The following FILIP1 variants were observed in gnomAD, a reference collection of about 807,000 sequenced individuals.
The protein encoded by FILIP1 is filamin-A-interacting protein 1.
A neutral mutation model predicts 102.1 loss-of-function variants in FILIP1; 61 were observed. The ratio of observed to expected loss-of-function variants is 0.60; its 90% confidence interval spans 0.49 to 0.74. FILIP1 has a LOEUF of 0.74. Ranked by LOEUF, FILIP1 falls within the 30% of genes least tolerant of loss-of-function variation. FILIP1 has a pLI of 0.00. For synonymous variants in FILIP1, 491 were observed against 526.9 expected, an observed-to-expected ratio of 0.93 and a Z score of 0.93; for missense variants, 1,314 against 1,441.2, an observed-to-expected ratio of 0.91 and a Z score of 1.43.
chr6:75,312,420 A>G lies in FILIP1; in HGVS notation c.3412T>C (p.Ser1138Pro), dbSNP rs1773227221. The change falls in exon 5 of 6, where the codon TCT becomes CCT. Residue 1138 changes from serine (S) to proline (P), a missense_variant. Around this residue, in one of 3 missense-constraint regions of FILIP1, gnomAD observed 816 missense variants for 913.1 expected, o/e 0.89. Coordinates refer to ENST00000237172, the MANE Select transcript of FILIP1 (RefSeq NM_015687.5). Reference protein sequence around the residue: ...TITITPVTTSSARGTQSVSGQ... With the variant: ...TITITPVTTSPARGTQSVSGQ... ...ACCACTGACTGGGTTCCTCGAGCAG[A>G]TGACGTTGTGACCGGTGTTATGGTG... 2 of 1,613,966 alleles carry G rather than the reference A, an allele frequency of 1.2e-6. No individual in the cohort carries two copies. The highest frequency in any genetic ancestry group is 1.7e-6 in the Non-Finnish European group (2 of 1,179,952).
At chr6:75,328,353 AG>A (rs930700309) in intron 4 of FILIP1, among the ~76,000 whole-genome samples, 5 of 152,210 alleles carry the variant, frequency 3.3e-5, no homozygotes, top group Admixed American at 6.5e-5. Context: ...AAAATAATTC[AG>A]GGGGGTGAAA....
At chr6:75,380,205 G>C (rs1236589890) in intron 2 of FILIP1, among the ~76,000 whole-genome samples, 1 of 66,206 alleles carries the variant, frequency 1.5e-5, no homozygotes, top group African/African-American at 1.1e-4. Flanking sequence ...CCAATTAAAA[G>C]GCAAAAAAAA....
chr6:75,493,228 G>A (rs1780016248), intron 1 of FILIP1, among the ~76,000 whole-genome samples, 186 bp downstream of exon 1: 1 of 152,164 alleles, frequency 6.6e-6, no homozygotes, highest in Non-Finnish European at 1.5e-5. Flanking sequence ...ATAATTTTGA[G>A]GAAGAGATGA....
chr6:75,352,098 C>T (rs937190003), intron 4 of FILIP1, among the ~76,000 whole-genome samples: 1 of 152,170 alleles, frequency 6.6e-6, no homozygotes, highest in Non-Finnish European at 1.5e-5. Flanking sequence ...ATAAACATTA[C>T]CAATAATTTT....
In FILIP1 at chr6:75,414,868, A is replaced by G. The variant is rs763781009; in HGVS notation, c.105T>C (p.Asp35=). Residue 35 remains aspartate, a synonymous_variant, in exon 2 of 6, where the codon GAT becomes GAC. Coordinates refer to ENST00000237172, the MANE Select transcript of FILIP1 (RefSeq NM_015687.5). ...GNAGEKSLSE[D]AKKKKKSNRK... is the part of the protein sequence containing the mutation. ...TATTTGATTTCTTCTTCTTTTTTGC[A>G]TCTTCTGAGAGACTTTTTTCACCAG... is the stretch of plus-strand genomic sequence containing the variant. 16 of 1,613,652 alleles carry G rather than the reference A, an allele frequency of 9.9e-6. No individual in the cohort carries two copies. Among genetic ancestry groups the G allele is most frequent in the Non-Finnish European group, 1.4e-5 (16 of 1,179,878 alleles).
At chr6:75,471,869 G>GGA (rs1166634974) in intron 1 of FILIP1, among the ~76,000 whole-genome samples, 6 of 152,054 alleles carry the variant, frequency 3.9e-5, no homozygotes, top group Admixed American at 2.0e-4. Flanking sequence ...GCAATGCTGT[G>GGA]GAGAAGTCTG....
chr6:75,465,476 G>C lies in FILIP1; in HGVS notation c.-7+27938C>G. On this transcript the variant is annotated intron_variant, in intron 1 of 5. Transcript: ENST00000237172. The stretch of plus-strand genomic sequence containing the variant: ...CTAGCAAAATGGCAGAATTCATATA[G>C]CATCAAAGTTGTCCTGCAAGAGCTT... 3.1e-6 allele frequency: 3 copies of C among 968,392 alleles called. No homozygotes were observed. The South Asian group carries it at 4.1e-5, about 13-fold the overall frequency. 60.0% of individuals were successfully genotyped at this position (968,392 alleles called of 1,614,324 possible).
chr6:75,429,382 A>C (rs908487336), intron 1 of FILIP1, among the ~76,000 whole-genome samples: 2 of 152,186 alleles, frequency 1.3e-5, no homozygotes, highest in African/African-American at 2.4e-5. Flanking sequence ...CAACAAGAAG[A>C]AGCTGTGCTC....
At chr6:75,425,621 C>T (rs1469674217) in intron 1 of FILIP1, among the ~76,000 whole-genome samples, 1 of 152,014 alleles carries the variant, frequency 6.6e-6, no homozygotes, top group African/African-American at 2.4e-5. Flanking sequence ...TTGCCATTAA[C>T]CCCAAGGAAT....
chr6:75,295,902 T>A, exon 7 of FILIP1: 1 of 1,454,054 alleles, frequency 6.9e-7, no homozygotes, highest in South Asian at 1.4e-5. Context: ...TGTGCTTGGT[T>A]TACCATTTCA....
chr6:75,435,908 A>C (rs1389143832), intron 1 of FILIP1, among the ~76,000 whole-genome samples: 2 of 152,182 alleles, frequency 1.3e-5, no homozygotes, highest in African/African-American at 4.8e-5. Flanking sequence ...ATTACTCAGA[A>C]GAGTGAAGGA....
At chr6:75,445,608 C>G (rs1484603577) in intron 1 of FILIP1, among the ~76,000 whole-genome samples, 1 of 151,788 alleles carries the variant, frequency 6.6e-6, no homozygotes, top group East Asian at 1.9e-4. Context: ...AAAGCAGGAA[C>G]CACATTTAAT....
chr6:75,384,460 A>G (rs1014848980), intron 2 of FILIP1, among the ~76,000 whole-genome samples: 1 of 151,998 alleles, frequency 6.6e-6, no homozygotes, highest in Non-Finnish European at 1.5e-5. Context: ...CCTTCATTCC[A>G]TCTGCTAACT....
chr6:75,353,310 G>A (rs753575147), intron 4 of FILIP1, among the ~76,000 whole-genome samples: 2 of 152,158 alleles, frequency 1.3e-5, no homozygotes, highest in Non-Finnish European at 2.9e-5. Context: ...TAACATCCTT[G>A]TTGGGAATGT....
intron 4 of FILIP1, among the ~76,000 whole-genome samples, chr6:75,322,862 T>A (rs1773708884): frequency 6.6e-6 from 1 of 152,014 alleles, no homozygotes; most frequent in Non-Finnish European, 1.5e-5. Flanking sequence ...CCTGGCTAAT[T>A]TTTGTATTTT....
chr6:75,299,566 G>A (rs113638188), intron 6 of FILIP1, among the ~76,000 whole-genome samples: 2 of 151,980 alleles, frequency 1.3e-5, no homozygotes, highest in African/African-American at 2.4e-5. Context: ...GAGACACTGA[G>A]TTTTTATATA....
At chr6:75,406,151 C>T (rs1022385508) in intron 2 of FILIP1, among the ~76,000 whole-genome samples, 2 of 152,172 alleles carry the variant, frequency 1.3e-5, no homozygotes, top group African/African-American at 2.4e-5. Flanking sequence ...CACCTTTACT[C>T]CCCTGACTTC....
chr6:75,334,130 A>T (rs896677771), intron 4 of FILIP1, among the ~76,000 whole-genome samples: 13 of 152,216 alleles, frequency 8.5e-5, no homozygotes, highest in African/African-American at 3.1e-4. Context: ...TTGCTTGCTC[A>T]TCAAGAAATC....
At chr6:75,364,056 T>C (rs946856000) in intron 2 of FILIP1, among the ~76,000 whole-genome samples, 6 of 152,236 alleles carry the variant, frequency 3.9e-5, no homozygotes, top group Non-Finnish European at 8.8e-5. Context: ...GCTTTTTTGG[T>C]CTCCAAATTA....
Sources: gnomAD v4.1 joint callset for allele counts (sites outside exome capture counted in the v4.1 genomes callset) on GRCh38, gnomAD v4.1.1 for gene constraint, gnomAD v4.1.1 regional missense constraint, MANE v1.5 for transcripts, NCBI Gene and HGNC (gene_info 2026-07-23, HGNC 2026-07-21) for gene names.